The following CNTNAP2 variants were observed in gnomAD, a reference collection of about 807,000 sequenced individuals.
The protein encoded by CNTNAP2 is contactin-associated protein-like 2.
Under a neutral mutation model 155.2 loss-of-function variants are expected in CNTNAP2, and 98 were observed. That is an observed-to-expected ratio of 0.63 (90% CI 0.54 to 0.75). The LOEUF (loss-of-function observed/expected upper bound fraction) is 0.75, where lower values mean the gene tolerates loss of function less well. CNTNAP2 is among the 30% of genes least tolerant of loss of function. The probability of loss-of-function intolerance (pLI) is 0.00; values close to 1 mark genes in which losing one functional copy is unlikely to be tolerated. For missense variants in CNTNAP2, 1,727 were observed against 1,688.1 expected, an observed-to-expected ratio of 1.02 and a Z score of -0.40; for synonymous variants, 651 against 631.2, an observed-to-expected ratio of 1.03 and a Z score of -0.47.
chr7:147,410,354 CAT>C (rs1797082457), intron 10 of CNTNAP2, among the ~76,000 whole-genome samples: 1 of 152,044 alleles, frequency 6.6e-6, no homozygotes, highest in African/African-American at 2.4e-5. Context: ...CACATGGACA[CAT>C]AGAGGGGAAA....
chr7:146,519,340 A>G (rs1797584718), intron 1 of CNTNAP2, among the ~76,000 whole-genome samples: 1 of 151,844 alleles, frequency 6.6e-6, no homozygotes, highest in African/African-American at 2.4e-5. Flanking sequence ...AGAAGAGGGA[A>G]CAGATGAGGG....
At chr7:147,187,292 A>T (rs1480067647) in intron 8 of CNTNAP2, among the ~76,000 whole-genome samples, 2 of 152,172 alleles carry the variant, frequency 1.3e-5, no homozygotes, top group African/African-American at 4.8e-5. Context: ...AGAGGCTCCC[A>T]AGCTCCTGCC....
chr7:146,117,336 G>A (rs1297943949), intron 1 of CNTNAP2: 1 of 210,264 alleles, frequency 4.8e-6, no homozygotes, highest in East Asian at 1.1e-4. Context: ...GAAGACCATG[G>A]CAAAACCAAG....
At chr7:147,471,092 G>A (rs906069684) in intron 10 of CNTNAP2, among the ~76,000 whole-genome samples, 4 of 152,130 alleles carry the variant, frequency 2.6e-5, no homozygotes, top group African/African-American at 7.2e-5. Flanking sequence ...GAAATCTTTG[G>A]TGAGTTTTAC....
chr7:146,790,233 A>G (rs1485022132), intron 2 of CNTNAP2, among the ~76,000 whole-genome samples: 109 of 152,194 alleles, frequency 7.2e-4, no homozygotes, highest in Admixed American at 7.1e-3. Flanking sequence ...TAAGACAATC[A>G]TTGATGATGG....
rs1798503238 is a variant in CNTNAP2, at chr7:147,486,007, T to A, written c.1743T>A (p.Asp581Glu). The A allele has an allele frequency of 6.2e-7, 1 of 1,614,054 alleles. No individual in the cohort carries two copies. Among genetic ancestry groups the A allele is most frequent in the Non-Finnish European group, 8.5e-7 (1 of 1,179,914 alleles). Residue 581 changes from aspartate to glutamate, a missense_variant, in exon 11 of 24, where the codon GAT (aspartate) becomes GAA (glutamate). Transcript: ENST00000361727. ...QTWDSFKCTC[D>E]ETGYSGATCH... is the part of the protein sequence containing the mutation. ...GGGACAGCTTCAAATGCACTTGTGATGAGACAGGATACAGTGGGGCCACCT... is the reference window on the plus strand; with the variant it reads ...GGGACAGCTTCAAATGCACTTGTGAAGAGACAGGATACAGTGGGGCCACCT...
chr7:146,929,934 C>T (rs574130035), intron 3 of CNTNAP2, among the ~76,000 whole-genome samples: 2 of 152,214 alleles, frequency 1.3e-5, no homozygotes, highest in African/African-American at 2.4e-5. Flanking sequence ...AAATATGGGA[C>T]TATGTGAAAA....
chr7:146,159,774 C>G (rs1798187991), intron 1 of CNTNAP2, among the ~76,000 whole-genome samples: 1 of 152,130 alleles, frequency 6.6e-6, no homozygotes, highest in African/African-American at 2.4e-5. Context: ...GACTTAGACT[C>G]CCACACAATA....
chr7:147,626,990 T>C (rs1379855109), intron 12 of CNTNAP2, among the ~76,000 whole-genome samples: 4 of 152,156 alleles, frequency 2.6e-5, no homozygotes, highest in Admixed American at 1.3e-4. Context: ...GATCACATCA[T>C]AGGACTCTGT....
chr7:147,705,496 T>C (rs754669626), intron 13 of CNTNAP2, among the ~76,000 whole-genome samples: 3 of 152,168 alleles, frequency 2.0e-5, no homozygotes, highest in Non-Finnish European at 2.9e-5. Flanking sequence ...AAATGTTCCA[T>C]GTACTGATGG....
chr7:147,583,319 G>A (rs755972162), intron 12 of CNTNAP2, among the ~76,000 whole-genome samples: 12 of 151,736 alleles, frequency 7.9e-5, no homozygotes, highest in East Asian at 1.9e-4. Context: ...GATGACATAC[G>A]GCTAAGCCTG....
chr7:147,524,321 C>T (rs1033029597), intron 11 of CNTNAP2, among the ~76,000 whole-genome samples: 2 of 151,038 alleles, frequency 1.3e-5, no homozygotes, highest in African/African-American at 2.4e-5. Flanking sequence ...ACCCGGGAGG[C>T]GGAGGTTGCG....
intron 10 of CNTNAP2, among the ~76,000 whole-genome samples, chr7:147,447,688 G>A (rs1377781801): frequency 2.0e-5 from 3 of 152,238 alleles, no homozygotes; most frequent in Middle Eastern, 3.4e-3. Context: ...CCAAAGTGCT[G>A]GGATTACAGG....
rs76500295 is a variant in CNTNAP2, at chr7:147,443,219, C to T, written c.1671-42716C>T. ...GACCACTGGGATCAGTGATTCCCCT[C>T]TGGCTAATGCTGGTTTAAATGGTCC... On this transcript the variant is annotated intron_variant, in intron 10 of 23. Coordinates refer to ENST00000361727, the MANE Select transcript of CNTNAP2 (RefSeq NM_014141.6). Among the ~76,000 whole-genome samples the T allele has an allele frequency of 3.2e-3, 493 of 152,316 alleles. 3 individuals are homozygous for T. Among genetic ancestry groups the T allele is most frequent in the African/African-American group, 0.011 (467 of 41,574 alleles).
chr7:147,854,637 C>G (rs1360060392), intron 13 of CNTNAP2, among the ~76,000 whole-genome samples: 1 of 152,172 alleles, frequency 6.6e-6, no homozygotes, highest in Non-Finnish European at 1.5e-5. Flanking sequence ...CACAGTGGTT[C>G]CTAGCCACAT....
At position 147,269,658 on chromosome 7, in the gene CNTNAP2, T is replaced by G. The variant is rs76332060; in HGVS notation, c.1349-30483T>G. ...AGAAGGGCCAGGACAATCAAGATTT[T>G]CCCGAGCAAGGATTATTTGAGCTGA... On this transcript the variant is annotated intron_variant, in intron 8 of 23. Transcript: ENST00000361727. 9.5e-4 allele frequency among the ~76,000 whole-genome samples: 144 copies of G among 152,306 alleles called. 2 individuals carry two copies. In the East Asian group the frequency reaches 0.025, roughly 27 times the overall value.
At chr7:146,321,873 G>A (rs778044144) in intron 1 of CNTNAP2, among the ~76,000 whole-genome samples, 14 of 152,150 alleles carry the variant, frequency 9.2e-5, no homozygotes, top group Non-Finnish European at 1.8e-4. Context: ...TATGGGATTA[G>A]TGGCTCCATT....
intron 1 of CNTNAP2, among the ~76,000 whole-genome samples, chr7:146,277,248 T>C (rs1490686481): frequency 6.6e-6 from 1 of 152,186 alleles, no homozygotes; most frequent in African/African-American, 2.4e-5. Flanking sequence ...TTTGAACTTC[T>C]GGCTTTCAGA....
Position 147,164,044 on chromosome 7 carries a change from G to T in CNTNAP2, c.1348+31535G>T, listed in dbSNP as rs552329840. 1.9e-3 allele frequency among the ~76,000 whole-genome samples: 293 copies of T among 152,300 alleles called. 1 individual carries two copies. The highest frequency in any genetic ancestry group is 2.2e-3 in the Non-Finnish European group (149 of 68,002). On this transcript the variant is annotated intron_variant, in intron 8 of 23. Transcript: ENST00000361727. ...GGTAGCAGAGACTTACGTGACAGGT[G>T]TTTATGCCTGAACTGTTCCACAGAT... is the stretch of plus-strand genomic sequence containing the variant.
Sources: gnomAD v4.1 joint callset for allele counts (sites outside exome capture counted in the v4.1 genomes callset) on GRCh38, gnomAD v4.1.1 for gene constraint, MANE v1.5 for transcripts, NCBI Gene and HGNC (gene_info 2026-07-23, HGNC 2026-07-21) for gene names.